Variants in DSCAM observed in about 807,000 individuals in gnomAD.
DSCAM encodes the protein DS cell adhesion molecule.
A neutral mutation model predicts 217.7 loss-of-function variants in DSCAM; 47 were observed. The observed-to-expected ratio is 0.22, with a 90% CI of 0.17 to 0.28. The LOEUF is 0.28. DSCAM is among the 10% of genes least tolerant of loss of function. The pLI is 1.00. For missense variants in DSCAM, 2,080 were observed against 2,618.3 expected (o/e 0.79, Z 4.49); for synonymous variants, 1,056 against 1,015.3 (o/e 1.04, Z -0.76).
intron 3 of DSCAM, among the ~76,000 whole-genome samples, chr21:40,516,334 T>C (rs1391087835): frequency 6.6e-6 from 1 of 152,214 alleles, no homozygotes; most frequent in African/African-American, 2.4e-5. Context: ...ATGTATTTCA[T>C]GTTCCATTCA....
At chr21:40,552,921 T>TA (rs141534662) in intron 3 of DSCAM, among the ~76,000 whole-genome samples, 2,092 of 152,164 alleles carry the variant, frequency 0.014, 32 homozygotes, top group East Asian at 0.055. Context: ...GCAATTGTAG[T>TA]AAAAAAGTAA....
At chr21:40,376,766 G>T (rs2074968102) in intron 3 of DSCAM, among the ~76,000 whole-genome samples, 1 of 149,994 alleles carries the variant, frequency 6.7e-6, no homozygotes, top group Admixed American at 6.7e-5. Context: ...GCATGAACGA[G>T]CTACAGATAT....
chr21:40,361,544 G>A (rs1006805333), intron 4 of DSCAM, among the ~76,000 whole-genome samples: 5 of 152,110 alleles, frequency 3.3e-5, no homozygotes, highest in Admixed American at 1.3e-4. Flanking sequence ...ACTTGAACCC[G>A]GGAGGCAGAG....
At chr21:40,281,026 C>A (rs1394004459) in intron 10 of DSCAM, among the ~76,000 whole-genome samples, 1 of 152,172 alleles carries the variant, frequency 6.6e-6, no homozygotes, top group Non-Finnish European at 1.5e-5. Context: ...TGCATCCCAG[C>A]CAACCCCTTG....
intron 3 of DSCAM, among the ~76,000 whole-genome samples, chr21:40,546,115 C>T (rs576690529): frequency 4.5e-4 from 68 of 152,330 alleles, no homozygotes; most frequent in African/African-American, 1.3e-3. Flanking sequence ...TGAAACTCAG[C>T]GGGTACATTC....
At chr21:40,169,629 T>C (rs1458012486) in intron 15 of DSCAM, among the ~76,000 whole-genome samples, 2 of 152,120 alleles carry the variant, frequency 1.3e-5, no homozygotes, top group Non-Finnish European at 2.9e-5. Context: ...TTCTCCAGCA[T>C]ATGTGGTTTG....
intron 11 of DSCAM, among the ~76,000 whole-genome samples, chr21:40,190,316 A>G (rs2090940919): frequency 6.6e-6 from 1 of 152,168 alleles, no homozygotes. Context: ...AATGCATACT[A>G]AGCTTATCAG....
At chr21:40,161,325 A>G (rs2090538800) in intron 16 of DSCAM, among the ~76,000 whole-genome samples, 1 of 152,174 alleles carries the variant, frequency 6.6e-6, no homozygotes, top group Non-Finnish European at 1.5e-5. Context: ...AATAAACACC[A>G]TGGCTTCATT....
At chr21:40,214,139 G>A (rs967667124) in intron 11 of DSCAM, among the ~76,000 whole-genome samples, 8 of 152,222 alleles carry the variant, frequency 5.3e-5, no homozygotes, top group Non-Finnish European at 1.2e-4. Flanking sequence ...TGCTCCTAAG[G>A]ATTTCAGGTA....
At chr21:40,068,384 C>T (rs1190084403) in intron 27 of DSCAM, among the ~76,000 whole-genome samples, 1 of 151,974 alleles carries the variant, frequency 6.6e-6, no homozygotes, top group Non-Finnish European at 1.5e-5. Context: ...ATCAGAGAGA[C>T]AGTAGGATGA....
intron 20 of DSCAM, among the ~76,000 whole-genome samples, chr21:40,101,292 T>C (rs897495470): frequency 9.2e-5 from 14 of 152,154 alleles, no homozygotes; most frequent in African/African-American, 3.4e-4. Flanking sequence ...CAAGCCAACA[T>C]TTATTATTAA....
intron 19 of DSCAM, among the ~76,000 whole-genome samples, chr21:40,131,870 A>C (rs1385973763): frequency 6.6e-6 from 1 of 152,144 alleles, no homozygotes; most frequent in Non-Finnish European, 1.5e-5. Context: ...GCAAAGCATA[A>C]TTGATTGACA....
At chr21:40,653,402 C>A (rs1011253669) in intron 3 of DSCAM, among the ~76,000 whole-genome samples, 1 of 152,150 alleles carries the variant, frequency 6.6e-6, no homozygotes, top group Non-Finnish European at 1.5e-5. Context: ...CACAGCCAGG[C>A]ATTTTCAGGG....
intron 3 of DSCAM, among the ~76,000 whole-genome samples, chr21:40,373,712 A>G (rs1203385306): frequency 6.6e-6 from 1 of 152,232 alleles, no homozygotes; most frequent in Non-Finnish European, 1.5e-5. Context: ...ATCAAATTAA[A>G]AGATTTTCCC....
intron 3 of DSCAM, among the ~76,000 whole-genome samples, chr21:40,490,038 T>C (rs892111448): frequency 2.8e-4 from 42 of 152,024 alleles, no homozygotes; most frequent in African/African-American, 1.0e-3. Flanking sequence ...GGCCACACAA[T>C]CATGGCAGAA....
chr21:40,448,504 C>T (rs575303892), intron 3 of DSCAM, among the ~76,000 whole-genome samples: 4 of 152,176 alleles, frequency 2.6e-5, no homozygotes, highest in South Asian at 2.1e-4. Context: ...CAGGCTGACT[C>T]GCACCACCAG....
chr21:40,114,889 G>C (rs980005870), intron 20 of DSCAM, among the ~76,000 whole-genome samples: 1 of 152,118 alleles, frequency 6.6e-6, no homozygotes, highest in Non-Finnish European at 1.5e-5. Flanking sequence ...AGTTAGAATG[G>C]CTATCATTAA....
chr21:40,258,167 T>C (rs1384288284), intron 11 of DSCAM, among the ~76,000 whole-genome samples: 2 of 152,192 alleles, frequency 1.3e-5, no homozygotes, highest in South Asian at 2.1e-4. Flanking sequence ...CAGTACCATA[T>C]ACAAAAAGGA....
chr21:40,444,985 CA>C (rs2075662825), intron 3 of DSCAM, among the ~76,000 whole-genome samples: 1 of 152,138 alleles, frequency 6.6e-6, no homozygotes, highest in Non-Finnish European at 1.5e-5. Context: ...GCTGCTATAA[CA>C]AAATATGGTT....
Sources: allele counts gnomAD v4.1 joint callset (sites outside exome capture counted in the v4.1 genomes callset), GRCh38; gene constraint gnomAD v4.1.1; transcripts MANE v1.5; gene names NCBI Gene and HGNC (gene_info 2026-07-23, HGNC 2026-07-21).